AGMO: variants seen among roughly 807,000 people sequenced by gnomAD.
AGMO encodes alkylglycerol monooxygenase, also known as glyceryl-ether monooxygenase.
AGMO carries 75 observed loss-of-function variants against 60.2 expected under a neutral mutation model. The ratio of observed to expected loss-of-function variants is 1.25; its 90% CI spans 1.03 to 1.51. AGMO has a LOEUF of 1.51. Among genes scored for constraint, AGMO ranks in the 40% most tolerant of loss-of-function variants. AGMO has a pLI of 0.00. For synonymous variants in AGMO, 261 were observed against 177.1 expected (o/e 1.47, Z -3.76); for missense variants, 763 against 525.5 (o/e 1.45, Z -4.42).
the AGMO span, among the ~76,000 whole-genome samples, chr7:15,160,376 G>A: frequency 6.6e-6 from 1 of 152,094 alleles, no homozygotes; most frequent in Non-Finnish European, 1.5e-5. Flanking sequence ...TCAGGCCTGT[G>A]TCTGATACAA....
intron 12 of AGMO, among the ~76,000 whole-genome samples, chr7:15,245,520 C>T (rs1782714240): frequency 2.6e-5 from 4 of 152,108 alleles, no homozygotes. Context: ...CTTGGCAAGG[C>T]AATCTGCAAC....
chr7:15,173,961 T>C, the AGMO span, among the ~76,000 whole-genome samples: 1 of 152,126 alleles, frequency 6.6e-6, no homozygotes, highest in Non-Finnish European at 1.5e-5. Flanking sequence ...TTATCTTTAA[T>C]ACATTTTAAA....
the AGMO span, among the ~76,000 whole-genome samples, chr7:15,177,116 T>G: frequency 6.1e-4 from 93 of 152,058 alleles, no homozygotes; most frequent in African/African-American, 1.9e-3. Context: ...AAACATGATT[T>G]AAAAACATTT....
chr7:15,288,141 G>A (rs1280698941), intron 12 of AGMO, among the ~76,000 whole-genome samples: 1 of 151,576 alleles, frequency 6.6e-6, no homozygotes, highest in African/African-American at 2.4e-5. Flanking sequence ...CTCCTGCCTT[G>A]GCCTCCTGAG....
intron 12 of AGMO, among the ~76,000 whole-genome samples, chr7:15,330,056 TA>T (rs1781455066): frequency 8.1e-6 from 1 of 122,778 alleles, no homozygotes; most frequent in Non-Finnish European, 1.9e-5. Flanking sequence ...AATATAGAAT[TA>T]TTTTCTTTTT....
intron 5 of AGMO, among the ~76,000 whole-genome samples, chr7:15,413,107 T>A (rs1390211898): frequency 6.6e-6 from 1 of 152,148 alleles, no homozygotes; most frequent in African/African-American, 2.4e-5. Flanking sequence ...GGCAAAATAG[T>A]CACAGTAAGT....
intron 9 of AGMO, among the ~76,000 whole-genome samples, chr7:15,387,007 T>C (rs761964851): frequency 1.3e-5 from 2 of 152,200 alleles, no homozygotes; most frequent in Non-Finnish European, 2.9e-5. Context: ...TCTGGGGGCC[T>C]CAGTTTTTCA....
At chr7:15,295,897 A>T (rs183609170) in intron 12 of AGMO, among the ~76,000 whole-genome samples, 8 of 152,270 alleles carry the variant, frequency 5.3e-5, no homozygotes, top group Admixed American at 5.2e-4. Flanking sequence ...ATTTACACAG[A>T]GCTCAATGTT....
At chr7:15,350,309 T>C (rs75844326) in intron 12 of AGMO, among the ~76,000 whole-genome samples, 2,295 of 152,262 alleles carry the variant, frequency 0.015, 62 homozygotes, top group African/African-American at 0.052. Context: ...TTTTGGTAAA[T>C]ATTCAGCAAA....
chr7:15,153,255 T>A, the AGMO span, among the ~76,000 whole-genome samples: 1 of 152,116 alleles, frequency 6.6e-6, no homozygotes, highest in Non-Finnish European at 1.5e-5. Flanking sequence ...CTTTGTCAGA[T>A]ATACAGATTG....
chr7:15,234,345 C>G (rs1203474851), intron 12 of AGMO, among the ~76,000 whole-genome samples: 6 of 152,134 alleles, frequency 3.9e-5, no homozygotes, highest in Admixed American at 2.6e-4. Flanking sequence ...ACATTTTTCT[C>G]TATATCTTCC....
intron 2 of AGMO, 99 bp from the exon 3 acceptor site, chr7:15,545,022 A>T (rs559164642): frequency 3.6e-6 from 3 of 840,244 alleles, no homozygotes; most frequent in Admixed American, 3.5e-5. Context: ...ATCTTCATAT[A>T]AAAAAATGAA....
At chr7:15,271,301 A>G (rs1783603912) in intron 12 of AGMO, among the ~76,000 whole-genome samples, 1 of 152,114 alleles carries the variant, frequency 6.6e-6, no homozygotes, top group Admixed American at 6.6e-5. Flanking sequence ...ATCCCATCAT[A>G]TGGGATATTT....
chr7:15,228,281 C>CCTGAGTTG (rs1782150170), intron 12 of AGMO, among the ~76,000 whole-genome samples: 1 of 152,002 alleles, frequency 6.6e-6, no homozygotes, highest in African/African-American at 2.4e-5. Flanking sequence ...GTGGTCAAAA[C>CCTGAGTTG]CTGAGTTGAA....
At chr7:15,174,389 A>G in the AGMO span, among the ~76,000 whole-genome samples, 110 of 152,228 alleles carry the variant, frequency 7.2e-4, no homozygotes, top group African/African-American at 2.5e-3. Flanking sequence ...ATGTAATCAT[A>G]TATTACTTTT....
chr7:15,269,713 T>C (rs888823239), intron 12 of AGMO, among the ~76,000 whole-genome samples: 2 of 152,074 alleles, frequency 1.3e-5, no homozygotes, highest in African/African-American at 4.8e-5. Context: ...GTCAGCCAAG[T>C]AGTGAACAAC....
At chr7:15,227,965 T>TA (rs1319740159) in intron 12 of AGMO, among the ~76,000 whole-genome samples, 1 of 152,130 alleles carries the variant, frequency 6.6e-6, no homozygotes, top group Non-Finnish European at 1.5e-5. Flanking sequence ...GATCCCCTTT[T>TA]ACACAGTAAG....
intron 5 of AGMO, among the ~76,000 whole-genome samples, chr7:15,413,496 T>G (rs1287154002): frequency 6.6e-6 from 1 of 152,184 alleles, no homozygotes; most frequent in Non-Finnish European, 1.5e-5. Flanking sequence ...GATTAATGTT[T>G]TTTAAATACC....
intron 4 of AGMO, among the ~76,000 whole-genome samples, chr7:15,421,025 T>C (rs1190954770): frequency 6.6e-6 from 1 of 152,086 alleles, no homozygotes; most frequent in Non-Finnish European, 1.5e-5. Flanking sequence ...GATGAGTGGA[T>C]TTTATTCTCT....
Sources: allele counts gnomAD v4.1 joint callset (sites outside exome capture counted in the v4.1 genomes callset), GRCh38; gene constraint gnomAD v4.1.1; transcripts MANE v1.5; gene names NCBI Gene and HGNC (gene_info 2026-07-23, HGNC 2026-07-21).